The following LINGO2 variants were observed in gnomAD, a reference collection of about 807,000 sequenced individuals.
LINGO2 encodes leucine-rich repeat and immunoglobulin-like domain-containing nogo receptor-interacting protein 2.
In LINGO2, 14 loss-of-function variants were observed where a neutral mutation model predicts 30.6. The observed-to-expected ratio is 0.46, with a 90% confidence interval of 0.30 to 0.72. The LOEUF (loss-of-function observed/expected upper bound fraction) is 0.72, where lower values mean the gene tolerates loss of function less well. Among genes scored for constraint, LINGO2 ranks in the 30% least tolerant of loss-of-function variants. The pLI, the probability that LINGO2 is intolerant of heterozygous loss-of-function variation, is 0.07. For missense variants in LINGO2, 729 were observed against 751.7 expected (o/e 0.97, Z 0.35); for synonymous variants, 317 against 288.5 (o/e 1.10, Z -1.00).
the LINGO2 span, among the ~76,000 whole-genome samples, chr9:28,861,205 AT>A: frequency 0.016 from 1,812 of 115,726 alleles, 27 homozygotes; most frequent in African/African-American, 0.048. Context: ...TATATTATAT[AT>A]TTTTTATATA....
chr9:28,760,815 A>C, the LINGO2 span, among the ~76,000 whole-genome samples: 2 of 151,528 alleles, frequency 1.3e-5, no homozygotes, highest in Non-Finnish European at 2.9e-5. Flanking sequence ...CATCCACATC[A>C]CTGCAAATGC....
intron 3 of LINGO2, among the ~76,000 whole-genome samples, chr9:28,348,108 T>C (rs116430489): frequency 0.01 from 1,529 of 152,214 alleles, 32 homozygotes; most frequent in African/African-American, 0.034. Flanking sequence ...AATGAAGAAA[T>C]ATTTTCATGA....
the LINGO2 span, among the ~76,000 whole-genome samples, chr9:29,132,834 T>C: frequency 1.3e-5 from 2 of 152,116 alleles, no homozygotes; most frequent in Non-Finnish European, 2.9e-5. Context: ...TCAACAAACA[T>C]GTATTGATTG....
the LINGO2 span, among the ~76,000 whole-genome samples, chr9:29,099,499 T>C: frequency 0.24 from 35,885 of 151,852 alleles, 4,374 homozygotes; most frequent in East Asian, 0.41. Flanking sequence ...AAGGGATTAA[T>C]AACCAAAATA....
chr9:28,719,100 C>G, the LINGO2 span, among the ~76,000 whole-genome samples: 1 of 151,952 alleles, frequency 6.6e-6, no homozygotes, highest in Non-Finnish European at 1.5e-5. Context: ...TTTCAACTTA[C>G]CTGCATTTGT....
intron 3 of LINGO2, among the ~76,000 whole-genome samples, chr9:28,346,517 A>C (rs1819576849): frequency 6.6e-6 from 1 of 152,194 alleles, no homozygotes; most frequent in Non-Finnish European, 1.5e-5. Context: ...ATGTGTCTTT[A>C]GAGTGGAACA....
At chr9:28,536,655 GATAA>G (rs960435256) in intron 1 of LINGO2, among the ~76,000 whole-genome samples, 6 of 152,068 alleles carry the variant, frequency 3.9e-5, no homozygotes, top group Non-Finnish European at 8.8e-5. Flanking sequence ...GAAAAATTGT[GATAA>G]ATATACACTT....
At chr9:28,740,086 C>T in the LINGO2 span, among the ~76,000 whole-genome samples, 1 of 151,510 alleles carries the variant, frequency 6.6e-6, no homozygotes, top group East Asian at 1.9e-4. Context: ...CTTAATTCCA[C>T]TGCCCCCAGA....
chr9:28,201,780 TC>T (rs992946091), intron 4 of LINGO2, among the ~76,000 whole-genome samples: 1 of 151,548 alleles, frequency 6.6e-6, no homozygotes, highest in Non-Finnish European at 1.5e-5. Context: ...CTTTCTCCCC[TC>T]TCTTTTCCTC....
chr9:28,347,212 A>G (rs1379252732), intron 3 of LINGO2, among the ~76,000 whole-genome samples: 1 of 152,234 alleles, frequency 6.6e-6, no homozygotes, highest in African/African-American at 2.4e-5. Context: ...AAAAATTTGC[A>G]TTTAATTCAG....
At chr9:28,320,653 C>G (rs1825006685) in intron 3 of LINGO2, among the ~76,000 whole-genome samples, 3 of 152,140 alleles carry the variant, frequency 2.0e-5, no homozygotes. Flanking sequence ...AGAGGCAGTA[C>G]TATATAGTAC....
chr9:28,876,423 C>G, the LINGO2 span, among the ~76,000 whole-genome samples: 1 of 150,062 alleles, frequency 6.7e-6, no homozygotes, highest in South Asian at 2.1e-4. Flanking sequence ...ACAACAGTCC[C>G]CAGAGTGTGA....
the LINGO2 span, among the ~76,000 whole-genome samples, chr9:28,963,307 G>T: frequency 6.6e-6 from 1 of 151,624 alleles, no homozygotes; most frequent in South Asian, 2.1e-4. Flanking sequence ...ATAGCTAATG[G>T]CTATCTAATT....
the LINGO2 span, among the ~76,000 whole-genome samples, chr9:29,065,280 T>C: frequency 2.0e-5 from 3 of 152,164 alleles, no homozygotes; most frequent in African/African-American, 7.2e-5. Flanking sequence ...TATAATTAGG[T>C]CCCACTTGTC....
At chr9:29,197,082 A>T in the LINGO2 span, among the ~76,000 whole-genome samples, 1 of 152,080 alleles carries the variant, frequency 6.6e-6, no homozygotes, top group Admixed American at 6.6e-5. Context: ...TGTAGACCAA[A>T]GTGTTGGAAT....
the LINGO2 span, among the ~76,000 whole-genome samples, chr9:28,795,282 G>T: frequency 2.0e-5 from 3 of 152,110 alleles, no homozygotes; most frequent in Non-Finnish European, 4.4e-5. Context: ...TTTATAATTG[G>T]ATTCAGTTGA....
chr9:28,354,377 T>G (rs909804768), intron 3 of LINGO2, among the ~76,000 whole-genome samples: 15 of 152,142 alleles, frequency 9.9e-5, no homozygotes, highest in Non-Finnish European at 5.9e-5. Flanking sequence ...AAATATGACA[T>G]AAGCTAATAA....
chr9:29,052,377 T>A, the LINGO2 span, among the ~76,000 whole-genome samples: 1 of 152,112 alleles, frequency 6.6e-6, no homozygotes, highest in Admixed American at 6.6e-5. Flanking sequence ...ATCAAGTCAT[T>A]TTACATATAT....
rs138048751 is a variant in LINGO2 at position 28,071,042 on chromosome 9, G to C, written c.-86-58637C>G. Among the ~76,000 whole-genome samples the C allele has an allele frequency of 8.5e-4, 130 of 152,244 alleles. 1 individual carries two copies. Among genetic ancestry groups the C allele is most frequent in the African/African-American group, 3.1e-3 (127 of 41,538 alleles). On this transcript the variant is annotated intron_variant, in intron 4 of 5. Coordinates refer to ENST00000379992, the Ensembl canonical transcript of LINGO2. Reference sequence around the variant, plus strand: ...AGTACTACTGTTTATAAAGTATATTGAGGAAGATGAGATAGTTTACATGTC... The same window carrying C: ...AGTACTACTGTTTATAAAGTATATTCAGGAAGATGAGATAGTTTACATGTC...
Sources: gnomAD v4.1 joint callset for allele counts (sites outside exome capture counted in the v4.1 genomes callset) on GRCh38, gnomAD v4.1.1 for gene constraint, MANE v1.5 for transcripts, NCBI Gene and HGNC (gene_info 2026-07-23, HGNC 2026-07-21) for gene names.